AMN1: variants seen among roughly 807,000 people sequenced by gnomAD.
AMN1 encodes antagonist of mitotic exit network 1 homolog, also known as protein AMN1 homolog.
In AMN1, 20 loss-of-function variants were observed where a neutral mutation model predicts 33.0. That is an observed-to-expected ratio of 0.61 (90% CI 0.43 to 0.88). The LOEUF is 0.88. Ranked by LOEUF, AMN1 falls within the 40% of genes least tolerant of loss-of-function variation. The probability of loss-of-function intolerance (pLI) is 0.00; values close to 1 mark genes in which losing one functional copy is unlikely to be tolerated. For synonymous variants in AMN1, 114 were observed against 111.9 expected (o/e 1.02, Z -0.12); for missense variants, 246 against 307.4 (o/e 0.80, Z 1.49).
chr12:31,680,816 C>T (rs1226081478), intron 6 of AMN1, among the ~76,000 whole-genome samples: 1 of 152,008 alleles, frequency 6.6e-6, no homozygotes, highest in Non-Finnish European at 1.5e-5. Flanking sequence ...ATTTTATGGT[C>T]TTAAATACTC....
At position 31,672,372 on chromosome 12, in the gene AMN1, A is replaced by G. The variant is rs749422450; in HGVS notation, c.709T>C (p.Ser237Pro). The change falls in exon 7 of 7, where the codon TCC (serine) becomes CCC (proline). Residue 237 changes from serine to proline, a missense_variant. Ser to Pro is a moderately conservative substitution (Grantham distance 74). Transcript: ENST00000281471. ...FHGCPLITDH[S>P]REVLEQLVGP... Reference sequence around the variant, plus strand: ...ACTAATTGCTCCAACACTTCTCGGGAATGATCTATAAAAGAAAACAATGAC... The same window carrying G: ...ACTAATTGCTCCAACACTTCTCGGGGATGATCTATAAAAGAAAACAATGAC... The G allele has an allele frequency of 4.5e-6, 7 of 1,566,172 alleles. No homozygotes were observed. Among genetic ancestry groups the G allele is most frequent in the Non-Finnish European group, 6.1e-6 (7 of 1,152,552 alleles).
At chr12:31,686,256 G>A (rs1938255816) in intron 6 of AMN1, among the ~76,000 whole-genome samples, 2 of 152,080 alleles carry the variant, frequency 1.3e-5, no homozygotes. Flanking sequence ...GACCAGCCTG[G>A]CCAACATGGT....
intron 1 of AMN1, among the ~76,000 whole-genome samples, chr12:31,722,783 T>A (rs920717711): frequency 3.3e-5 from 5 of 152,230 alleles, no homozygotes; most frequent in African/African-American, 9.6e-5. Flanking sequence ...ACCTGGATTC[T>A]CTTGTTGTAC....
At chr12:31,681,664 C>T (rs1043598037) in intron 6 of AMN1, among the ~76,000 whole-genome samples, 2 of 152,096 alleles carry the variant, frequency 1.3e-5, no homozygotes, top group African/African-American at 4.8e-5. Context: ...GATCAGCGTT[C>T]GTTTTACTGT....
At chr12:31,694,904 A>G (rs1322532074) in intron 5 of AMN1, among the ~76,000 whole-genome samples, 4 of 152,016 alleles carry the variant, frequency 2.6e-5, no homozygotes, top group South Asian at 4.1e-4. Context: ...GGAGTTTGAG[A>G]CCAGCCTGGG....
chr12:31,679,780 T>G (rs1412397699), intron 6 of AMN1, among the ~76,000 whole-genome samples: 1 of 152,138 alleles, frequency 6.6e-6, no homozygotes, highest in Non-Finnish European at 1.5e-5. Flanking sequence ...CAAAGGTATG[T>G]GAGGTGAACT....
chr12:31,685,523 G>T (rs1263224598), intron 6 of AMN1, among the ~76,000 whole-genome samples: 1 of 152,070 alleles, frequency 6.6e-6, no homozygotes, highest in Non-Finnish European at 1.5e-5. Flanking sequence ...TCAAACAGCT[G>T]GGCGTGGTAG....
rs759648671 is a variant in AMN1, at chr12:31,729,009, C to CGCT, written c.-4_-2dup. The CGCT allele has an allele frequency of 1.5e-5, 23 of 1,544,088 alleles. No individual in the cohort carries two copies. The South Asian group carries it at 2.7e-4, about 18-fold the overall frequency. On this transcript the variant is annotated 5_prime_UTR_variant, in exon 1 of 7. Coordinates refer to ENST00000281471, the MANE Select transcript of AMN1 (RefSeq NM_001113402.2). Reference sequence around the variant, plus strand: ...GACTGACCCGCCGTGGGCGAGGCATCGCTGCAGCGTCTGAAGCCTCTTCCG... The same window carrying CGCT: ...GACTGACCCGCCGTGGGCGAGGCATCGCTGCTGCAGCGTCTGAAGCCTCTTCCG...
Position 31,697,883 on chromosome 12 carries a change from C to G in AMN1, c.391G>C (p.Glu131Gln). 1 of 1,613,968 alleles carries G rather than the reference C, an allele frequency of 6.2e-7. No homozygotes were observed. Among genetic ancestry groups the G allele is most frequent in the East Asian group, 2.2e-5 (1 of 44,882 alleles). ...SLKRCCNLTD[E>Q]GVVALALNCQ... ...TTGAGTGCAAGAGCAACGACTCCTT[C>G]GTCAGTGAGATTGCAGCATCTTTTC... is the stretch of plus-strand genomic sequence containing the variant. Residue 131 changes from glutamate (E) to glutamine (Q), a missense_variant, in exon 4 of 7, where the codon GAA becomes CAA. Transcript: ENST00000281471.
Position 31,716,736 on chromosome 12 carries a change from G to A in AMN1, c.39-7311C>T, listed in dbSNP as rs114700651. ...GGAATTCCTGTTATATGCTGGATAT[G>A]AACCTTCTGTTTGTTATATACGTTG... On this transcript the variant is annotated intron_variant, in intron 1 of 6. Transcript: ENST00000281471. Among the ~76,000 whole-genome samples the A allele has an allele frequency of 8.7e-3, 1,323 of 152,220 alleles. 19 individuals are homozygous for A. Among genetic ancestry groups the A allele is most frequent in the African/African-American group, 0.03 (1,248 of 41,522 alleles).
At chr12:31,700,009 T>C (rs1382146801) in intron 3 of AMN1, among the ~76,000 whole-genome samples, 2 of 152,200 alleles carry the variant, frequency 1.3e-5, no homozygotes, top group African/African-American at 2.4e-5. Flanking sequence ...AGTTATTATT[T>C]ATGTAAACAT....
chr12:31,676,110 T>C (rs964766298), intron 6 of AMN1, among the ~76,000 whole-genome samples: 2 of 151,574 alleles, frequency 1.3e-5, no homozygotes, highest in African/African-American at 2.4e-5. Context: ...TCAAAAAGAA[T>C]AGAATACTTA....
Position 31,689,059 on chromosome 12 carries a change from A to C in AMN1, c.651T>G (p.Thr217=). 6.2e-7 allele frequency: 1 copy of C among 1,613,744 alleles called. No individual in the cohort carries two copies. The highest frequency in any genetic ancestry group is 1.1e-5 in the South Asian group (1 of 91,048). ...LTDGAVEAVL[T]YCPQIRILLF... is the part of the protein sequence containing the mutation. ...GTAATATACGTATTTGAGGACAGTA[A>C]GTAAGGACAGCTTCGACAGCCCCAT... Residue 217 remains threonine (T), a synonymous_variant, in exon 6 of 7, where the codon ACT becomes ACG. Transcript: ENST00000281471.
Position 31,672,227 on chromosome 12 carries a change from T to C in AMN1, c.*77A>G. 1 of 951,288 alleles carries C rather than the reference T, an allele frequency of 1.1e-6. No individual in the cohort carries two copies. The highest frequency in any genetic ancestry group is 2.6e-5 in the East Asian group (1 of 37,990). The allele number at this position is 951,288 out of a possible 1,614,324, so 58.9% of individuals were successfully genotyped here. A position where few individuals can be genotyped will look rare whatever the true frequency, so the allele number is the denominator to read the frequency against. On this transcript the variant is annotated 3_prime_UTR_variant, in exon 7 of 7. Transcript: ENST00000281471. ...AAAATAGTGTTAACATTAAGTAGAATGCAAATCTCTATAGATGGTTTCCTG... is the reference window on the plus strand; with the variant it reads ...AAAATAGTGTTAACATTAAGTAGAACGCAAATCTCTATAGATGGTTTCCTG...
At chr12:31,674,395 G>A (rs117267302) in intron 6 of AMN1, among the ~76,000 whole-genome samples, 6,188 of 150,364 alleles carry the variant, frequency 0.041, 158 homozygotes, top group South Asian at 0.069. Flanking sequence ...GTGACAGAGT[G>A]AGACTCCATC....
At chr12:31,714,516 T>TG (rs1388447699) in intron 1 of AMN1, 1 of 152,152 alleles carries the variant, frequency 6.6e-6, no homozygotes, top group Non-Finnish European at 1.5e-5. Context: ...CTTGTAGAGA[T>TG]GGGGTCTCTA....
chr12:31,728,812 C>T (rs1940185605), intron 1 of AMN1, among the ~76,000 whole-genome samples, 159 bp downstream of exon 1: 2 of 150,120 alleles, frequency 1.3e-5, no homozygotes, highest in Non-Finnish European at 2.9e-5. Flanking sequence ...AGCCAGGAAA[C>T]GACAGATCAG....
At chr12:31,700,666 TG>T (rs905643508) in intron 3 of AMN1, among the ~76,000 whole-genome samples, 3 of 152,038 alleles carry the variant, frequency 2.0e-5, no homozygotes, top group African/African-American at 7.2e-5. Context: ...ATCCATGTTT[TG>T]TTTTTTTTTT....
rs545072632 is a variant in AMN1, at chr12:31,728,775, A to G, written c.38+196T>C. Among the ~76,000 whole-genome samples, 17 of 152,194 alleles carry G rather than the reference A, an allele frequency of 1.1e-4. No individual in the cohort carries two copies. The South Asian group carries it at 3.3e-3, about 30-fold the overall frequency. ...GAGTGTTGGAGGGGCAAGCCCGCCA[A>G]GAGACCCACTTTGCACAACTGTCCT... is the stretch of plus-strand genomic sequence containing the variant. On this transcript the variant is annotated intron_variant, in intron 1 of 6. Transcript: ENST00000281471.
Sources: gnomAD v4.1 joint callset for allele counts (sites outside exome capture counted in the v4.1 genomes callset) on GRCh38, gnomAD v4.1.1 for gene constraint, MANE v1.5 for transcripts, NCBI Gene and HGNC (gene_info 2026-07-23, HGNC 2026-07-21) for gene names.